Variants in PALB2 observed in about 807,000 individuals in gnomAD.
The protein encoded by PALB2 is partner and localizer of BRCA2.
A neutral mutation model predicts 107.4 loss-of-function variants in PALB2; 82 were observed. The ratio of observed to expected loss-of-function variants is 0.76; its 90% CI spans 0.64 to 0.92. The LOEUF (loss-of-function observed/expected upper bound fraction) is 0.92, where lower values mean the gene tolerates loss of function less well. Ranked by LOEUF, PALB2 falls within the 40% of genes least tolerant of loss-of-function variation. PALB2 has a pLI of 0.00. For synonymous variants in PALB2, 489 were observed against 496.8 expected, an observed-to-expected ratio of 0.98 and a Z score of 0.21; for missense variants, 1,374 against 1,379.9, an observed-to-expected ratio of 1.00 and a Z score of 0.07.
At position 23,635,532 on chromosome 16, in the gene PALB2, T is replaced by C. The variant is rs540622230; in HGVS notation, c.1014A>G (p.Pro338=). The change falls in exon 4 of 13, where the codon CCA becomes CCG. Residue 338 remains proline (P), a synonymous_variant. Transcript: ENST00000261584. The stretch of plus-strand genomic sequence containing the variant: ...CTTTTAAGTTTTGGTTTTCATTTGC[T>C]GGTAAGTTATTGTAGGTGAGTTCAT... The part of the protein sequence containing the change: ...SLNELTYNNL[P]ANENQNLKEQ... 6.2e-7 allele frequency: 1 copy of C among 1,613,792 alleles called. No individual in the cohort carries two copies. The highest frequency in any genetic ancestry group is 2.2e-5 in the East Asian group (1 of 44,882).
Position 23,624,069 on chromosome 16 carries a change from A to G in PALB2, c.2774T>C (p.Val925Ala), listed in dbSNP as rs1555459734. 3 of 1,607,988 alleles carry G rather than the reference A, an allele frequency of 1.9e-6. No homozygotes were observed. The highest frequency in any genetic ancestry group is 1.7e-6 in the Non-Finnish European group (2 of 1,174,616). ...ACACACGAGATTATACACATCAGGC[A>G]CTGGAACTATCTGTAATACTGGAAC... ...AEVPVLQIVP[V>A]PDVYNLVCVA... The change falls in exon 8 of 13, where the codon GTG becomes GCG. Residue 925 changes from valine to alanine, a missense_variant. Val to Ala is a moderately conservative substitution (Grantham distance 64). Coordinates refer to ENST00000261584, the MANE Select transcript of PALB2 (RefSeq NM_024675.4).
In PALB2 at chr16:23,631,263, G is replaced by C. The variant is rs1372820135; in HGVS notation, c.1685-794C>G. Among the ~76,000 whole-genome samples, 5 of 118,692 alleles carry C rather than the reference G, an allele frequency of 4.2e-5. No homozygotes were observed. The South Asian group carries it at 9.2e-4, about 22-fold the overall frequency. 77.9% of individuals were successfully genotyped at this position (118,692 alleles called of 152,430 possible). On this transcript the variant is annotated intron_variant, in intron 4 of 12. Coordinates refer to ENST00000261584, the MANE Select transcript of PALB2 (RefSeq NM_024675.4). ...CCACTGCACTCCAGCCTGGGCGACA[G>C]AGTGAGACTCTGTCTCAAAAAAAAA...
At chr16:23,637,821 G>C (rs748403360) in intron 3 of PALB2, 29 bp downstream of exon 3, 1 of 1,517,878 alleles carries the variant, frequency 6.6e-7, no homozygotes, top group South Asian at 1.1e-5. Context: ...GAATAATAAA[G>C]CAGGCATAAG....
chr16:23,620,810 T>C (rs2142323779), intron 10 of PALB2, among the ~76,000 whole-genome samples: 1 of 152,346 alleles, frequency 6.6e-6, no homozygotes, highest in East Asian at 1.9e-4. Context: ...CAGTGGCTCA[T>C]GCCTGTAATC....
chr16:23,640,812 A>C, intron 1 of PALB2: 3 of 351,486 alleles, frequency 8.5e-6, no homozygotes, highest in Non-Finnish European at 1.6e-5. Context: ...CGGGGGGAGA[A>C]GTAAAGATTG....
chr16:23,605,065 C>G (rs1258416723), intron 12 of PALB2, among the ~76,000 whole-genome samples: 1 of 151,896 alleles, frequency 6.6e-6, no homozygotes, highest in African/African-American at 2.4e-5. Flanking sequence ...CAGAGAGAAA[C>G]TCCGTCTCAA....
Position 23,624,509 on chromosome 16 carries a change from G to C in PALB2, c.2749-415C>G, listed in dbSNP as rs548964776. Among the ~76,000 whole-genome samples, 4 of 152,230 alleles carry C rather than the reference G, an allele frequency of 2.6e-5. No homozygotes were observed. The East Asian group carries it at 5.8e-4, about 22-fold the overall frequency. ...ATATTCAAGTATGAAGACTCTACAGGAACAAGGAAATTTTTTTTTTTGAGT... is the reference window on the plus strand; with the variant it reads ...ATATTCAAGTATGAAGACTCTACAGCAACAAGGAAATTTTTTTTTTTGAGT... On this transcript the variant is annotated intron_variant, in intron 7 of 12. Transcript: ENST00000261584.
At chr16:23,609,708 G>A (rs1966549334) in intron 11 of PALB2, among the ~76,000 whole-genome samples, 1 of 152,122 alleles carries the variant, frequency 6.6e-6, no homozygotes, top group South Asian at 2.1e-4. Context: ...TAGTAGAGCG[G>A]GGTTTCACTG....
At chr16:23,639,402 G>T (rs1395427184) in intron 1 of PALB2, among the ~76,000 whole-genome samples, 2 of 151,600 alleles carry the variant, frequency 1.3e-5, no homozygotes, top group Non-Finnish European at 2.9e-5. Flanking sequence ...GTGTGGTGGT[G>T]GGTGCCTGTA....
rs1967112979 is a variant in PALB2 at position 23,638,121 on chromosome 16, C to G, written c.57G>C (p.Glu19Asp). The G allele has an allele frequency of 6.2e-7, 1 of 1,613,844 alleles. No homozygotes were observed. Among genetic ancestry groups the G allele is most frequent in the Non-Finnish European group, 8.5e-7 (1 of 1,179,762 alleles). ...ATTCCCTTTTCAAGAATGCTAATTT[C>G]TCCTTTAACTGGAAGAAGAAAAACA... Reference protein sequence around the residue: ...LSCEEKEKLKEKLAFLKREYS... With the variant: ...LSCEEKEKLKDKLAFLKREYS... Residue 19 changes from glutamate to aspartate, a missense_variant, in exon 2 of 13, where the codon GAG becomes GAC. Physicochemically the swap from Glu to Asp is conservative, Grantham distance 45. Coordinates refer to ENST00000261584, the MANE Select transcript of PALB2 (RefSeq NM_024675.4).
Position 23,626,288 on chromosome 16 carries a change from T to G in PALB2, c.2696A>C (p.Lys899Thr). Residue 899 changes from lysine to threonine, a missense_variant, in exon 7 of 13, where the codon AAA becomes ACA. Transcript: ENST00000261584. The part of the protein sequence containing the change: ...TACEDVVSLW[K>T]ALDAWQWEKL... Reference sequence around the variant, plus strand: ...TTCCCACTGCCAAGCATCCAGAGCTTTCCAAAGAGAAACTACATCTTCGCA... The same window carrying G: ...TTCCCACTGCCAAGCATCCAGAGCTGTCCAAAGAGAAACTACATCTTCGCA... 6.2e-7 allele frequency: 1 copy of G among 1,614,156 alleles called. No homozygotes were observed. Among genetic ancestry groups the G allele is most frequent in the Non-Finnish European group, 8.5e-7 (1 of 1,180,020 alleles).
intron 7 of PALB2, 54 bp downstream of exon 7, chr16:23,626,182 C>T (rs549135757): frequency 6.2e-7 from 1 of 1,608,834 alleles, no homozygotes; most frequent in East Asian, 2.2e-5. Context: ...TGCCCATCTA[C>T]ATTATCAGGC....
At chr16:23,628,371 G>A (rs1597087313) in intron 6 of PALB2, among the ~76,000 whole-genome samples, 1 of 152,262 alleles carries the variant, frequency 6.6e-6, no homozygotes, top group East Asian at 1.9e-4. Context: ...GCCAGTAACT[G>A]GGAAAAACTT....
At chr16:23,605,000 G>A (rs753543288) in intron 12 of PALB2, among the ~76,000 whole-genome samples, 32 of 152,050 alleles carry the variant, frequency 2.1e-4, no homozygotes, top group Non-Finnish European at 4.1e-4. Flanking sequence ...CTTGAACCTG[G>A]GAGGCAGAGG....
chr16:23,629,098 C>A (rs1273729222), intron 6 of PALB2, 106 bp downstream of exon 6: 2 of 869,866 alleles, frequency 2.3e-6, no homozygotes, highest in Non-Finnish European at 3.8e-6. Flanking sequence ...TTACCAATAT[C>A]TTTAATAGTA....
Position 23,637,972 on chromosome 16 carries a change from C to G in PALB2, c.109-20G>C, listed in dbSNP as rs746405670. Reference sequence around the variant, plus strand: ...GGCACGCTAGAGGAGACAAAAACAGCCCCAGAAATACGTTTTCTTTAAAGT... The same window carrying G: ...GGCACGCTAGAGGAGACAAAAACAGGCCCAGAAATACGTTTTCTTTAAAGT... On this transcript the variant is annotated intron_variant, in intron 2 of 12. Coordinates refer to ENST00000261584, the MANE Select transcript of PALB2 (RefSeq NM_024675.4). 1 of 1,606,832 alleles carries G rather than the reference C, an allele frequency of 6.2e-7. No homozygotes were observed. The highest frequency in any genetic ancestry group is 1.1e-5 in the South Asian group (1 of 90,928).
At chr16:23,632,193 A>G (rs1480791504) in intron 4 of PALB2, among the ~76,000 whole-genome samples, 2 of 152,186 alleles carry the variant, frequency 1.3e-5, no homozygotes, top group Non-Finnish European at 2.9e-5. Context: ...CTATAATCCC[A>G]TCACTTTGAG....
chr16:23,636,482 G>T lies in PALB2; in HGVS notation c.212-148C>A, dbSNP rs991871959. ...TTTCATTCAGGCAGATGAATTTACAGGTGAAATAAACCTATTTTTTAGGCT... is the reference window on the plus strand; with the variant it reads ...TTTCATTCAGGCAGATGAATTTACATGTGAAATAAACCTATTTTTTAGGCT... On this transcript the variant is annotated intron_variant, in intron 3 of 12. Coordinates refer to ENST00000261584, the MANE Select transcript of PALB2 (RefSeq NM_024675.4). 1.1e-5 allele frequency: 7 copies of T among 654,806 alleles called. No individual in the cohort carries two copies. In the South Asian group the frequency reaches 1.1e-4, roughly 11 times the overall value. The allele number at this position is 654,806 out of a possible 1,614,324, so 40.6% of individuals were successfully genotyped here.
rs1966504026 is a variant in PALB2 at position 23,607,835 on chromosome 16, C to T, written c.3350+29G>A. On this transcript the variant is annotated intron_variant, in intron 12 of 12. Coordinates refer to ENST00000261584, the MANE Select transcript of PALB2 (RefSeq NM_024675.4). ...GCACAGTGCCTTTCAGAATGTCCCA[C>T]CCATAGAGTAGCAGTTATGCACACT... The T allele has an allele frequency of 3.1e-6, 5 of 1,613,092 alleles. No individual in the cohort carries two copies. In the East Asian group the frequency reaches 1.1e-4, roughly 36 times the overall value.
Sources: gnomAD v4.1 joint callset for allele counts (sites outside exome capture counted in the v4.1 genomes callset) on GRCh38, gnomAD v4.1.1 for gene constraint, MANE v1.5 for transcripts, NCBI Gene and HGNC (gene_info 2026-07-23, HGNC 2026-07-21) for gene names.